MX2: variants seen among roughly 807,000 people sequenced by gnomAD.
The protein encoded by MX2 is MX dynamin like GTPase 2, also known as interferon-induced GTP-binding protein Mx2.
MX2 carries 51 observed loss-of-function variants against 74.0 expected under a neutral mutation model. That is an observed-to-expected ratio of 0.69 (90% CI 0.55 to 0.87). The LOEUF (loss-of-function observed/expected upper bound fraction) is 0.87, where lower values mean the gene tolerates loss of function less well. Among genes scored for constraint, MX2 ranks in the 40% least tolerant of loss-of-function variants. The pLI is 0.00. For missense variants in MX2, 832 were observed against 908.7 expected, an observed-to-expected ratio of 0.92 and a Z score of 1.09; for synonymous variants, 369 against 339.3, an observed-to-expected ratio of 1.09 and a Z score of -0.96.
intron 5 of MX2, among the ~76,000 whole-genome samples, chr21:41,385,434 A>G (rs757913597): frequency 1.3e-5 from 2 of 152,158 alleles, no homozygotes; most frequent in Non-Finnish European, 2.9e-5. Context: ...AATATGTCTC[A>G]TGAGATCTAA....
chr21:41,398,363 G>T (rs1043217366), intron 8 of MX2, among the ~76,000 whole-genome samples: 2 of 152,152 alleles, frequency 1.3e-5, no homozygotes, highest in Non-Finnish European at 2.9e-5. Flanking sequence ...TGGTTTGTAA[G>T]AAATAAGTCC....
chr21:41,384,928 T>A (rs2089549808), intron 5 of MX2, among the ~76,000 whole-genome samples: 1 of 152,144 alleles, frequency 6.6e-6, no homozygotes, highest in African/African-American at 2.4e-5. Context: ...GCTTAAATCA[T>A]TACAAAGGGA....
intron 1 of MX2, among the ~76,000 whole-genome samples, chr21:41,374,447 A>G (rs1601396870): frequency 6.6e-6 from 1 of 152,204 alleles, no homozygotes; most frequent in Non-Finnish European, 1.5e-5. Flanking sequence ...GGGCGGCAGG[A>G]GTAGGGTCTG....
chr21:41,382,396 C>T lies in MX2; in HGVS notation c.578-14C>T. On this transcript the variant is annotated splice_polypyrimidine_tract_variant and intron_variant, in intron 4 of 13. Transcript: ENST00000330714. ...AATGAGGGCTCTGGGTTTCTCCCCT[C>T]CTGGCCTCCATAGCCCAGAACGTCA... The T allele has an allele frequency of 1.9e-6, 3 of 1,612,802 alleles. No homozygotes were observed. In the South Asian group the frequency reaches 3.3e-5, roughly 18 times the overall value.
chr21:41,401,232 T>C (rs944692330), intron 10 of MX2: 3 of 152,160 alleles, frequency 2.0e-5, no homozygotes, highest in Admixed American at 2.0e-4. Context: ...AGATGAGATT[T>C]GGTTGGGGAC....
chr21:41,391,582 G>C (rs1240794681), intron 6 of MX2, among the ~76,000 whole-genome samples: 1 of 151,858 alleles, frequency 6.6e-6, no homozygotes, highest in Non-Finnish European at 1.5e-5. Flanking sequence ...GGGTTTCACT[G>C]TGTTGGCCAG....
rs759088422 is a variant in MX2, at chr21:41,408,242, G to A, written c.*9G>A. Reference sequence around the variant, plus strand: ...GCAAAGAGATCCACTGAAGGGCGGCGATGCCTGTGGTTGTTTTCTTGTGCG... The same window carrying A: ...GCAAAGAGATCCACTGAAGGGCGGCAATGCCTGTGGTTGTTTTCTTGTGCG... On this transcript the variant is annotated 3_prime_UTR_variant, in exon 14 of 14. Transcript: ENST00000330714. The A allele has an allele frequency of 3.7e-6, 6 of 1,612,982 alleles. No individual in the cohort carries two copies. Among genetic ancestry groups the A allele is most frequent in the Admixed American group, 1.7e-5 (1 of 59,960 alleles).
chr21:41,381,955 C>T (rs2089501454), intron 4 of MX2, among the ~76,000 whole-genome samples: 2 of 152,186 alleles, frequency 1.3e-5, no homozygotes, highest in Non-Finnish European at 2.9e-5. Context: ...AAGGAGGAAG[C>T]CATGATGCAT....
chr21:41,407,537 C>G (rs917582028), intron 13 of MX2, among the ~76,000 whole-genome samples: 1 of 152,206 alleles, frequency 6.6e-6, no homozygotes, highest in East Asian at 1.9e-4. Flanking sequence ...ACTGCAAAGA[C>G]ACCCACCTCC....
chr21:41,362,571 C>T (rs917752516), intron 1 of MX2, among the ~76,000 whole-genome samples: 2 of 151,846 alleles, frequency 1.3e-5, no homozygotes, highest in African/African-American at 4.8e-5. Context: ...TGCCGATTCT[C>T]TTCCGTTCTC....
At position 41,406,942 on chromosome 21, in the gene MX2, G is replaced by C; in HGVS notation, c.1849G>C (p.Glu617Gln). ...GTTGAACTCTCATTTTCCCAGTAAT[G>C]AGTCTTCGGTTTCCTCCTTTACTGA... ...MKLNSHFPSNESSVSSFTEIG... is the reference protein window; with the variant it reads ...MKLNSHFPSNQSSVSSFTEIG... The change falls in exon 13 of 14, where the codon GAG becomes CAG. Residue 617 changes from glutamate to glutamine, a missense_variant. By Grantham distance (29) the Glu-to-Gln change is conservative. Coordinates refer to ENST00000330714, the MANE Select transcript of MX2 (RefSeq NM_002463.2). The C allele has an allele frequency of 6.2e-7, 1 of 1,614,148 alleles. No individual in the cohort carries two copies. Among genetic ancestry groups the C allele is most frequent in the Non-Finnish European group, 8.5e-7 (1 of 1,179,990 alleles).
Position 41,394,367 on chromosome 21 carries a change from C to A in MX2, c.872-1220C>A, listed in dbSNP as rs531854601. On this transcript the variant is annotated intron_variant, in intron 6 of 13. Transcript: ENST00000330714. ...CCAGGGTCTGGAGTGCTCCTTCTCC[C>A]TCCCCACTAGGCTGACTCCTCCCTT... Among the ~76,000 whole-genome samples the A allele has an allele frequency of 6.6e-5, 10 of 152,252 alleles. 1 individual carries two copies. Among genetic ancestry groups the A allele is most frequent in the East Asian group, 1.9e-4 (1 of 5,170 alleles).
In MX2 at chr21:41,370,109, C is replaced by A. The variant is rs398206; in HGVS notation, c.-71-6727C>A. The A allele has an allele frequency of 0.48, 73,633 of 152,188 alleles. 21,171 individuals are homozygous for A. The highest frequency in any genetic ancestry group is 0.8 in the East Asian group (4,148 of 5,174). The allele number at this position is 152,188 out of a possible 1,614,324, so 9.4% of individuals were successfully genotyped here. On this transcript the variant is annotated intron_variant, in intron 1 of 13. Coordinates refer to ENST00000330714, the MANE Select transcript of MX2 (RefSeq NM_002463.2). ...CAAAGCTGGATGGTCGTCCGTCCCA[C>A]CATGGCGGGTGGGTAAAGGTTCTTT...
Position 41,395,598 on chromosome 21 carries a change from A to C in MX2, c.883A>C (p.Lys295Gln), listed in dbSNP as rs1283370970. Residue 295 changes from lysine (K) to glutamine (Q), a missense_variant, in exon 7 of 14, where the codon AAA (lysine) becomes CAA (glutamine). By Grantham distance (53) the Lys-to-Gln change is moderately conservative. Coordinates refer to ENST00000330714, the MANE Select transcript of MX2 (RefSeq NM_002463.2). ...TAACCATCTCACAGGTATCCTGACC[A>C]AACCAGATCTAATGGACAGGGGCAC... ...EGDRTIGILT[K>Q]PDLMDRGTEK... The C allele has an allele frequency of 6.2e-7, 1 of 1,614,044 alleles. No individual in the cohort carries two copies. Among genetic ancestry groups the C allele is most frequent in the African/African-American group, 1.3e-5 (1 of 74,924 alleles).
Position 41,403,045 on chromosome 21 carries a change from G to A in MX2, c.1574-222G>A, listed in dbSNP as rs551246040. On this transcript the variant is annotated intron_variant, in intron 11 of 13. Coordinates refer to ENST00000330714, the MANE Select transcript of MX2 (RefSeq NM_002463.2). ...GAGGCTAACATGCACACAGGCACGG[G>A]AAATGGACAGGACCTGCCCAGGCTG... 5 of 511,720 alleles carry A rather than the reference G, an allele frequency of 9.8e-6. No homozygotes were observed. In the South Asian group the frequency reaches 1.0e-4, roughly 11 times the overall value. The allele number at this position is 511,720 out of a possible 1,614,324, so 31.7% of individuals were successfully genotyped here.
rs2089777574 is a variant in MX2 at position 41,399,204 on chromosome 21, G to A, written c.1281G>A (p.Lys427=). The change falls in exon 10 of 14, where the codon AAG becomes AAA. Residue 427 remains lysine, a synonymous_variant. Transcript: ENST00000330714. ...CTTTATATCATTTTCAGAAAATCAA[G>A]ATGTTTAATCAGGACATCGAAAAGT... The part of the protein sequence containing the change: ...DKMFFLIEKI[K]MFNQDIEKLV... 1 of 1,613,658 alleles carries A rather than the reference G, an allele frequency of 6.2e-7. No homozygotes were observed. The highest frequency in any genetic ancestry group is 8.5e-7 in the Non-Finnish European group (1 of 1,179,890).
intron 2 of MX2, among the ~76,000 whole-genome samples, chr21:41,377,488 TC>T: frequency 1.3e-5 from 2 of 152,090 alleles, no homozygotes; most frequent in Middle Eastern, 3.4e-3. Context: ...GAACCTCTCC[TC>T]CCTCTGGCTG....
intron 6 of MX2, among the ~76,000 whole-genome samples, chr21:41,393,411 C>A (rs919065383): frequency 6.6e-6 from 1 of 152,184 alleles, no homozygotes; most frequent in Non-Finnish European, 1.5e-5. Flanking sequence ...CACTGAGGAG[C>A]ACATGGTCAC....
chr21:41,404,411 A>G (rs946185412), intron 12 of MX2: 1 of 152,222 alleles, frequency 6.6e-6, no homozygotes, highest in Non-Finnish European at 1.5e-5. Flanking sequence ...TGTAGACCGA[A>G]AGTGACTGAG....
Sources: gnomAD v4.1 joint callset for allele counts (sites outside exome capture counted in the v4.1 genomes callset) on GRCh38, gnomAD v4.1.1 for gene constraint, MANE v1.5 for transcripts, NCBI Gene and HGNC (gene_info 2026-07-23, HGNC 2026-07-21) for gene names.